ZIC4: variants seen among roughly 807,000 people sequenced by gnomAD.
The protein encoded by ZIC4 is Zic family zinc finger 4, also known as zinc finger protein ZIC 4.
ZIC4 carries 15 observed loss-of-function variants against 28.8 expected under a neutral mutation model. That is an observed-to-expected ratio of 0.52 (90% CI 0.35 to 0.80). The LOEUF is 0.80. ZIC4 is among the 30% of genes least tolerant of loss of function. The probability of loss-of-function intolerance (pLI) is 0.01; values close to 1 mark genes in which losing one functional copy is unlikely to be tolerated. For missense variants in ZIC4, 512 were observed against 467.1 expected (o/e 1.10, Z -0.89); for synonymous variants, 220 against 198.1 (o/e 1.11, Z -0.93).
intron 1 of ZIC4, chr3:147,405,459 A>G (rs1429054056): frequency 1.3e-6 from 2 of 1,537,090 alleles, no homozygotes; most frequent in Non-Finnish European, 1.7e-6. Flanking sequence ...AGACTTTGAC[A>G]TGGGCCATTC....
At chr3:147,388,959 C>T in intron 4 of ZIC4, 100 bp from the exon 5 acceptor site, 1 of 727,494 alleles carries the variant, frequency 1.4e-6, no homozygotes, top group Non-Finnish European at 2.5e-6. Context: ...AAATGGGGAG[C>T]TTAGAAACAG....
chr3:147,393,676 G>T (rs373017789), intron 3 of ZIC4: 17 of 286,994 alleles, frequency 5.9e-5, no homozygotes, highest in African/African-American at 3.4e-4. Context: ...TGGTTGTCCC[G>T]GCGACTGCGC....
intron 2 of ZIC4, among the ~76,000 whole-genome samples, chr3:147,401,567 C>T (rs2107982193): frequency 6.6e-6 from 1 of 152,264 alleles, no homozygotes; most frequent in East Asian, 1.9e-4. Flanking sequence ...AGGTAAATTT[C>T]TTTAGAGGCT....
chr3:147,392,344 C>A, intron 3 of ZIC4: 1 of 985,518 alleles, frequency 1.0e-6, no homozygotes, highest in Non-Finnish European at 1.2e-6. Flanking sequence ...GCTGCGATGC[C>A]CTGTAGAGCC....
chr3:147,396,066 G>A lies in ZIC4; in HGVS notation c.474C>T (p.Val158=). The change falls in exon 3 of 5, where the codon GTC becomes GTT. Residue 158 remains valine (V), a synonymous_variant. Transcript: ENST00000383075. This position sits in a 1 kb window ranked among gnomAD's most constrained non-coding sequence, Gnocchi z 4.2. ...CCGGGCCGCCGACGTGCTCCACGGTGACGTGCGTGACCAGCTCGTGCATGG... is the reference window on the plus strand; with the variant it reads ...CCGGGCCGCCGACGTGCTCCACGGTAACGTGCGTGACCAGCTCGTGCATGG... ...FSTMHELVTH[V]TVEHVGGPEQ... is the part of the protein sequence containing the mutation. 2 of 1,614,266 alleles carry A rather than the reference G, an allele frequency of 1.2e-6. No individual in the cohort carries two copies. The highest frequency in any genetic ancestry group is 1.7e-6 in the Non-Finnish European group (2 of 1,180,056).
chr3:147,392,449 G>C, intron 3 of ZIC4: 1 of 985,426 alleles, frequency 1.0e-6, no homozygotes. Flanking sequence ...TGACGTGTAG[G>C]AGAGGAAAGG....
At position 147,396,675 on chromosome 3, in the gene ZIC4, G is replaced by A; in HGVS notation, c.71-206C>T. The A allele has an allele frequency of 1.8e-6, 1 of 556,854 alleles. No homozygotes were observed. The highest frequency in any genetic ancestry group is 2.9e-6 in the Non-Finnish European group (1 of 342,738). The allele number at this position is 556,854 out of a possible 1,614,324, so 34.5% of individuals were successfully genotyped here. A position where few individuals can be genotyped will look rare whatever the true frequency, so the allele number is the denominator to read the frequency against. On this transcript the variant is annotated intron_variant, in intron 2 of 4. Transcript: ENST00000383075. This position sits in a 1 kb window ranked among gnomAD's most constrained non-coding sequence, Gnocchi z 4.2. ...CGCCATTGGGCCGAATTGCTGTTGG[G>A]CCAAGTCCCCCGCCGCGCCATGAGC...
chr3:147,398,112 G>A (rs928257284), intron 2 of ZIC4, among the ~76,000 whole-genome samples: 2 of 152,188 alleles, frequency 1.3e-5, no homozygotes, highest in African/African-American at 4.8e-5. Flanking sequence ...CCACCCGCAG[G>A]CCTGCTGGCC....
chr3:147,399,917 C>A (rs1038536612), intron 2 of ZIC4, among the ~76,000 whole-genome samples: 2 of 152,142 alleles, frequency 1.3e-5, no homozygotes, highest in African/African-American at 4.8e-5. Context: ...CTGCCCACTT[C>A]GGCCTCCCAC....
At chr3:147,389,050 T>C in intron 4 of ZIC4, 191 bp from the exon 5 acceptor site, 1 of 611,622 alleles carries the variant, frequency 1.6e-6, no homozygotes, top group Admixed American at 3.1e-5. Context: ...AAATGCCCTC[T>C]GCACCTTAGT....
At chr3:147,403,964 C>A (rs6766244) in intron 1 of ZIC4, 7 of 1,536,502 alleles carry the variant, frequency 4.6e-6, no homozygotes, top group East Asian at 2.4e-5. Flanking sequence ...GTAGACTCAC[C>A]TTTTCCCAGA....
At chr3:147,402,845 T>G in intron 1 of ZIC4, 33 bp from the exon 2 acceptor site, 1 of 1,582,546 alleles carries the variant, frequency 6.3e-7, no homozygotes, top group African/African-American at 1.3e-5. Context: ...CAGTCACTAG[T>G]TAAACAATTT....
At chr3:147,389,033 G>C (rs1309608619) in intron 4 of ZIC4, 174 bp from the exon 5 acceptor site, 5 of 620,562 alleles carry the variant, frequency 8.1e-6, no homozygotes, top group African/African-American at 1.8e-5. Context: ...GAAGCAGCAA[G>C]TTCCGCAAAT....
At position 147,396,113 on chromosome 3, in the gene ZIC4, G is replaced by C; in HGVS notation, c.427C>G (p.Leu143Val). The C allele has an allele frequency of 1.9e-6, 3 of 1,614,178 alleles. No individual in the cohort carries two copies. The highest frequency in any genetic ancestry group is 1.7e-6 in the Non-Finnish European group (2 of 1,180,050). The change falls in exon 3 of 5, where the codon CTC becomes GTC. Residue 143 changes from leucine to valine, a missense_variant. By Grantham distance (32) the Leu-to-Val change is conservative. Coordinates refer to ENST00000383075, the MANE Select transcript of ZIC4 (RefSeq NM_032153.6). This position sits in a 1 kb window ranked among gnomAD's most constrained non-coding sequence, Gnocchi z 4.2. ...LAADGTATPS[L>V]CSKTFSTMHE... ...ATGGTGCTGAAAGTTTTGGAGCAGA[G>C]GCTCGGGGTCGCGGTGCCGTCGGCC... is the stretch of plus-strand genomic sequence containing the variant.
intron 2 of ZIC4, among the ~76,000 whole-genome samples, chr3:147,397,503 C>A (rs1476527766): frequency 6.6e-6 from 1 of 152,154 alleles, no homozygotes; most frequent in Non-Finnish European, 1.5e-5. Flanking sequence ...AGCCTCCTCC[C>A]CCTCCTCTCC....
Position 147,405,287 on chromosome 3 carries a change from C to G in ZIC4, c.-16+1076G>C, listed in dbSNP as rs977064749. The G allele has an allele frequency of 7.8e-6, 10 of 1,285,094 alleles. No homozygotes were observed. The African/African-American group carries it at 9.0e-5, about 12-fold the overall frequency. The allele number at this position is 1,285,094 out of a possible 1,614,324, so 79.6% of individuals were successfully genotyped here. A position where few individuals can be genotyped will look rare whatever the true frequency, so the allele number is the denominator to read the frequency against. On this transcript the variant is annotated intron_variant, in intron 1 of 4. Transcript: ENST00000383075. ...AATCACCCCTCCCCCAACCTGCAGG[C>G]GGCTGAGACAGGAGAAAAAAGAGCA...
intron 2 of ZIC4, among the ~76,000 whole-genome samples, chr3:147,400,533 G>A (rs949572867): frequency 2.0e-5 from 3 of 152,184 alleles, no homozygotes; most frequent in African/African-American, 4.8e-5. Context: ...AGGTCACTGA[G>A]GTTGCCTGAT....
Position 147,390,921 on chromosome 3 carries a change from A to G in ZIC4, c.1004+10T>C. 2 of 1,600,452 alleles carry G rather than the reference A, an allele frequency of 1.2e-6. No homozygotes were observed. Among genetic ancestry groups the G allele is most frequent in the Non-Finnish European group, 1.7e-6 (2 of 1,173,036 alleles). ...CAGCCGCTATGGGGCCCAAGCCCTG[A>G]CACACGTACCATTCGCTCAAGTCGG... On this transcript the variant is annotated intron_variant, in intron 4 of 4. Transcript: ENST00000383075.
intron 1 of ZIC4, chr3:147,405,914 T>C (rs1248015221): frequency 5.9e-6 from 1 of 169,850 alleles, no homozygotes; most frequent in South Asian, 1.4e-4. Context: ...ATACCTCCTG[T>C]AAAGGCCCCC....
Sources: gnomAD v4.1 joint callset for allele counts (sites outside exome capture counted in the v4.1 genomes callset) on GRCh38, gnomAD v4.1.1 for gene constraint, Gnocchi (gnomAD v3.1) non-coding constraint, MANE v1.5 for transcripts, NCBI Gene and HGNC (gene_info 2026-07-23, HGNC 2026-07-21) for gene names.